Variants in NRXN3 observed in about 807,000 individuals in gnomAD.
NRXN3 encodes the protein neurexin 3, also known as neurexin III.
NRXN3 carries 32 observed loss-of-function variants against 137.6 expected under a neutral mutation model. The ratio of observed to expected loss-of-function variants is 0.23; its 90% CI spans 0.18 to 0.31. The LOEUF is 0.31. Ranked by LOEUF, NRXN3 falls within the 10% of genes least tolerant of loss-of-function variation. The pLI is 1.00. For missense variants in NRXN3, 1,574 were observed against 2,062.5 expected, an observed-to-expected ratio of 0.76 and a Z score of 4.59; for synonymous variants, 798 against 784.5, an observed-to-expected ratio of 1.02 and a Z score of -0.29.
At chr14:79,123,891 C>T (rs2152930087) in intron 15 of NRXN3, among the ~76,000 whole-genome samples, 1 of 152,298 alleles carries the variant, frequency 6.6e-6, no homozygotes, top group African/African-American at 2.4e-5. Flanking sequence ...TTGTTTTTCT[C>T]ACCCTTAGCA....
chr14:78,478,168 G>A (rs944520997), intron 4 of NRXN3, among the ~76,000 whole-genome samples: 12 of 152,206 alleles, frequency 7.9e-5, no homozygotes, highest in Admixed American at 5.9e-4. Context: ...GGATACAACA[G>A]AAGTATGATG....
intron 15 of NRXN3, among the ~76,000 whole-genome samples, chr14:79,218,034 C>G (rs1421099632): frequency 6.6e-6 from 1 of 152,132 alleles, no homozygotes; most frequent in African/African-American, 2.4e-5. Context: ...CACCAATATC[C>G]AAAGCAGAAA....
In NRXN3 at chr14:78,683,425, C is replaced by T. The variant is rs538322738; in HGVS notation, c.1222-25792C>T. Among the ~76,000 whole-genome samples, 4 of 152,262 alleles carry T rather than the reference C, an allele frequency of 2.6e-5. No homozygotes were observed. The South Asian group carries it at 6.2e-4, about 24-fold the overall frequency. On this transcript the variant is annotated intron_variant, in intron 6 of 20. Transcript: ENST00000335750. ...GGCAGTTTGTCTAACGTTTGAGTTA[C>T]GAGATCAGAGCAAGAGGTGCTGGTC...
At chr14:78,580,508 T>G (rs2096982805) in intron 4 of NRXN3, among the ~76,000 whole-genome samples, 2 of 152,212 alleles carry the variant, frequency 1.3e-5, no homozygotes, top group Admixed American at 6.5e-5. Flanking sequence ...GTGGAGGAAC[T>G]ACCCTGTGTG....
At chr14:78,961,523 A>G (rs1218631206) in intron 11 of NRXN3, among the ~76,000 whole-genome samples, 2 of 152,228 alleles carry the variant, frequency 1.3e-5, no homozygotes, top group Non-Finnish European at 2.9e-5. Flanking sequence ...ACATGATTCA[A>G]TCATTTCGGA....
intron 15 of NRXN3, among the ~76,000 whole-genome samples, chr14:78,988,740 A>AGATACCCAAC (rs1404890352): frequency 6.6e-6 from 1 of 151,280 alleles, no homozygotes; most frequent in Admixed American, 6.6e-5. Context: ...TTATATACAC[A>AGATACCCAAC]TAGCTATTCT....
intron 15 of NRXN3, among the ~76,000 whole-genome samples, chr14:79,316,366 A>G (rs1233417003): frequency 6.6e-6 from 1 of 152,170 alleles, no homozygotes; most frequent in Non-Finnish European, 1.5e-5. Context: ...CCAACAAGAA[A>G]CCCAATCTCT....
At chr14:79,174,382 G>C (rs2062086217) in intron 15 of NRXN3, among the ~76,000 whole-genome samples, 1 of 151,854 alleles carries the variant, frequency 6.6e-6, no homozygotes, top group African/African-American at 2.4e-5. Context: ...TCATATGATT[G>C]GCATGAATTT....
At position 79,692,313 on chromosome 14, in the gene NRXN3, A is replaced by AT; in HGVS notation, c.3706+56dup. 2.3e-6 allele frequency: 3 copies of AT among 1,326,228 alleles called. No homozygotes were observed. In the South Asian group the frequency reaches 3.9e-5, roughly 17 times the overall value. The allele number at this position is 1,326,228 out of a possible 1,614,324, so 82.2% of individuals were successfully genotyped here. A position where few individuals can be genotyped will look rare whatever the true frequency, so the allele number is the denominator to read the frequency against. On this transcript the variant is annotated intron_variant, in intron 18 of 20. Transcript: ENST00000335750. ...TAAAATCATTTGATCCTAAACCCTC[A>AT]TTTTTAAAGCCTGCAAATAAATGTT...
intron 14 of NRXN3, among the ~76,000 whole-genome samples, chr14:78,969,774 T>A (rs1163448980): frequency 6.6e-6 from 1 of 152,028 alleles, no homozygotes; most frequent in Non-Finnish European, 1.5e-5. Flanking sequence ...CAGAAATATT[T>A]CTTAAATTGT....
At position 78,902,973 on chromosome 14, in the gene NRXN3, A is replaced by T. The variant is rs374597015; in HGVS notation, c.2276-54269A>T. On this transcript the variant is annotated intron_variant, in intron 10 of 20. Transcript: ENST00000335750. The stretch of plus-strand genomic sequence containing the variant: ...TGCAAATCTCATCCTTTTCAAGGTA[A>T]TTCTTTCATTTCAGATAAAATGTTA... Among the ~76,000 whole-genome samples the T allele has an allele frequency of 3.3e-5, 5 of 151,644 alleles. No individual in the cohort carries two copies. The South Asian group carries it at 8.4e-4, about 25-fold the overall frequency.
intron 15 of NRXN3, among the ~76,000 whole-genome samples, chr14:79,386,167 C>G (rs895480050): frequency 1.5e-4 from 23 of 152,040 alleles, no homozygotes; most frequent in African/African-American, 5.1e-4. Flanking sequence ...TCAAATTGTC[C>G]CTGTTTGCAG....
At chr14:78,918,285 C>CAAAAAAAAAAAAAA (rs71454807) in intron 10 of NRXN3, among the ~76,000 whole-genome samples, 4 of 34,654 alleles carry the variant, frequency 1.2e-4, no homozygotes, top group Admixed American at 3.5e-4. Flanking sequence ...AACTCCATCT[C>CAAAAAAAAAAAAAA]AAAAAAAAAA....
At chr14:79,571,210 A>T (rs529774722) in intron 16 of NRXN3, among the ~76,000 whole-genome samples, 2 of 152,194 alleles carry the variant, frequency 1.3e-5, no homozygotes, top group Non-Finnish European at 2.9e-5. Context: ...TGGCTTAGTG[A>T]CTATGAGAAG....
At chr14:79,126,874 G>T (rs960636911) in intron 15 of NRXN3, among the ~76,000 whole-genome samples, 2 of 152,120 alleles carry the variant, frequency 1.3e-5, no homozygotes, top group Non-Finnish European at 2.9e-5. Flanking sequence ...ATTGTAACTG[G>T]TGTGAGATGG....
intron 1 of NRXN3, among the ~76,000 whole-genome samples, chr14:78,172,327 C>A (rs151289367): frequency 2.6e-5 from 4 of 152,168 alleles, no homozygotes; most frequent in African/African-American, 9.6e-5. Flanking sequence ...CTGGGTAGAG[C>A]CTTCCTTCAT....
chr14:79,796,352 T>C (rs1159417017), intron 19 of NRXN3, among the ~76,000 whole-genome samples: 1 of 152,162 alleles, frequency 6.6e-6, no homozygotes, highest in East Asian at 1.9e-4. Flanking sequence ...TTTGGGAAGG[T>C]ACATTGAAGT....
chr14:79,741,463 G>A lies in NRXN3; in HGVS notation c.4014+43526G>A, dbSNP rs760250314. On this transcript the variant is annotated intron_variant, in intron 19 of 20. Coordinates refer to ENST00000335750, the MANE Select transcript of NRXN3 (RefSeq NM_001330195.2). ...TGTAAGTTGAAATATGTGTGTGTGT[G>A]TGTGTGTGTGCATGTATATATAATT... Among the ~76,000 whole-genome samples the A allele has an allele frequency of 1.5e-4, 23 of 152,070 alleles. No individual in the cohort carries two copies. In the South Asian group the frequency reaches 3.3e-3, roughly 22 times the overall value.
intron 15 of NRXN3, among the ~76,000 whole-genome samples, chr14:79,334,918 C>A (rs893715381): frequency 1.3e-5 from 2 of 152,090 alleles, no homozygotes; most frequent in African/African-American, 4.8e-5. Context: ...GAGGATTGGT[C>A]TTATTTTGCA....
Sources: allele counts gnomAD v4.1 joint callset (sites outside exome capture counted in the v4.1 genomes callset), GRCh38; gene constraint gnomAD v4.1.1; transcripts MANE v1.5; gene names NCBI Gene and HGNC (gene_info 2026-07-23, HGNC 2026-07-21).